The following LRRK1 variants were observed in gnomAD, a reference collection of about 807,000 sequenced individuals.
LRRK1 encodes the protein leucine-rich repeat serine/threonine-protein kinase 1.
Under a neutral mutation model 209.1 loss-of-function variants are expected in LRRK1, and 113 were observed. That is an observed-to-expected ratio of 0.54 (90% CI 0.46 to 0.63). The LOEUF (loss-of-function observed/expected upper bound fraction) is 0.63, where lower values mean the gene tolerates loss of function less well. Ranked by LOEUF, LRRK1 falls within the 30% of genes least tolerant of loss-of-function variation. The pLI is 0.00. For synonymous variants in LRRK1, 1,144 were observed against 1,099.7 expected, an observed-to-expected ratio of 1.04 and a Z score of -0.80; for missense variants, 2,284 against 2,632.2, an observed-to-expected ratio of 0.87 and a Z score of 2.89.
chr15:101,007,895 A>G (rs559248182), intron 6 of LRRK1, among the ~76,000 whole-genome samples: 1 of 152,198 alleles, frequency 6.6e-6, no homozygotes, highest in East Asian at 1.9e-4. Context: ...TCATGCCTGT[A>G]ATTGCAGCAC....
chr15:101,055,803 C>T (rs2035761572), intron 27 of LRRK1, among the ~76,000 whole-genome samples: 1 of 152,198 alleles, frequency 6.6e-6, no homozygotes, highest in Non-Finnish European at 1.5e-5. Flanking sequence ...GATGCAGGCA[C>T]ACACACAACT....
At chr15:100,997,086 C>A (rs1020908819) in intron 6 of LRRK1, among the ~76,000 whole-genome samples, 4 of 131,308 alleles carry the variant, frequency 3.0e-5, no homozygotes, top group African/African-American at 8.8e-5. Flanking sequence ...ATAATCATAT[C>A]TATAGATCTT....
intron 32 of LRRK1, 114 bp downstream of exon 32, chr15:101,066,319 C>T (rs768398208): frequency 5.6e-5 from 77 of 1,384,562 alleles, no homozygotes; most frequent in Non-Finnish European, 7.2e-5. Context: ...GAGGCAGGTG[C>T]TGTTCTTCCA....
chr15:100,941,464 C>CTGTGTGTGTCTGTGTGTGTGTG (rs2042432624), intron 2 of LRRK1, among the ~76,000 whole-genome samples: 4 of 88,824 alleles, frequency 4.5e-5, no homozygotes, highest in African/African-American at 2.0e-4. Context: ...GTCTATGTCT[C>CTGTGTGTGTCTGTGTGTGTGTG]TGTGTGTGTG....
intron 21 of LRRK1, among the ~76,000 whole-genome samples, chr15:101,047,713 G>A (rs2035163672): frequency 6.6e-6 from 1 of 152,194 alleles, no homozygotes; most frequent in Admixed American, 6.5e-5. Context: ...GCGGCCCCGC[G>A]CACACTGGTA....
At chr15:101,013,630 T>C (rs1293774149) in intron 10 of LRRK1, among the ~76,000 whole-genome samples, 1 of 151,864 alleles carries the variant, frequency 6.6e-6, no homozygotes, top group Non-Finnish European at 1.5e-5. Context: ...AGTAAATAAA[T>C]AAAAAGAATA....
At chr15:101,002,716 G>T (rs1443494150) in intron 6 of LRRK1, among the ~76,000 whole-genome samples, 1 of 151,932 alleles carries the variant, frequency 6.6e-6, no homozygotes, top group East Asian at 1.9e-4. Flanking sequence ...AATGTCAAGT[G>T]CATGAACATC....
In LRRK1 at chr15:101,076,979, C is replaced by T. The variant is rs923553918; in HGVS notation, c.*8131C>T. 4.6e-5 allele frequency: 7 copies of T among 151,886 alleles called. No homozygotes were observed. Among genetic ancestry groups the T allele is most frequent in the Middle Eastern group, 3.4e-3 (1 of 294 alleles). The allele number at this position is 151,886 out of a possible 1,614,324, so 9.4% of individuals were successfully genotyped here. A position where few individuals can be genotyped will look rare whatever the true frequency, so the allele number is the denominator to read the frequency against. On this transcript the variant is annotated 3_prime_UTR_variant, in exon 34 of 34. Coordinates refer to ENST00000388948, the MANE Select transcript of LRRK1 (RefSeq NM_024652.6). ...GCCTTTATTAGTCAAATCAGCCAAG[C>T]GTTTTTTCAGGCTCTTAGTATTCAG...
intron 6 of LRRK1, among the ~76,000 whole-genome samples, chr15:100,997,169 A>G (rs1187918955): frequency 6.6e-6 from 1 of 152,196 alleles, no homozygotes; most frequent in African/African-American, 2.4e-5. Flanking sequence ...CTGCCTTTCA[A>G]TTTCTAAACA....
intron 2 of LRRK1, among the ~76,000 whole-genome samples, chr15:100,971,836 C>A (rs2030904662): frequency 6.6e-6 from 1 of 152,166 alleles, no homozygotes; most frequent in African/African-American, 2.4e-5. Context: ...CCAGTCTTTG[C>A]CTCCATGGGA....
rs768495809 is a variant in LRRK1, at chr15:101,026,065, T to A, written c.2333T>A (p.Val778Glu). Residue 778 changes from valine to glutamate, a missense_variant, in exon 17 of 34, where the codon GTG (valine) becomes GAG (glutamate). Coordinates refer to ENST00000388948, the MANE Select transcript of LRRK1 (RefSeq NM_024652.6). ...VERIATLRAYVLALCRSPSGS... is the reference protein window; with the variant it reads ...VERIATLRAYELALCRSPSGS... Reference sequence around the variant, plus strand: ...AGGATTGCAACGCTGCGTGCCTATGTGCTGGCACTCTGCCGCTCCCCCTCC... The same window carrying A: ...AGGATTGCAACGCTGCGTGCCTATGAGCTGGCACTCTGCCGCTCCCCCTCC... 2 of 1,614,148 alleles carry A rather than the reference T, an allele frequency of 1.2e-6. No individual in the cohort carries two copies. Among genetic ancestry groups the A allele is most frequent in the Non-Finnish European group, 1.7e-6 (2 of 1,180,038 alleles).
chr15:100,929,299 G>A (rs1391700474), intron 2 of LRRK1, among the ~76,000 whole-genome samples: 1 of 152,148 alleles, frequency 6.6e-6, no homozygotes, highest in Non-Finnish European at 1.5e-5. Context: ...GTGAGTGGCC[G>A]TCGCTTCGGT....
intron 2 of LRRK1, among the ~76,000 whole-genome samples, chr15:100,960,571 G>A (rs978957726): frequency 1.3e-5 from 2 of 152,042 alleles, no homozygotes; most frequent in Non-Finnish European, 2.9e-5. Flanking sequence ...GTTTTTGTCT[G>A]TTGGCTCTCC....
At chr15:101,001,307 G>A (rs769082910) in intron 6 of LRRK1, among the ~76,000 whole-genome samples, 5 of 152,040 alleles carry the variant, frequency 3.3e-5, no homozygotes, top group African/African-American at 9.7e-5. Context: ...GTGCACAGAC[G>A]CTCTCTGCAG....
intron 2 of LRRK1, among the ~76,000 whole-genome samples, chr15:100,939,914 A>G (rs751417666): frequency 6.6e-6 from 1 of 152,130 alleles, no homozygotes; most frequent in Non-Finnish European, 1.5e-5. Context: ...GAACTCATGA[A>G]TTTTAATTTA....
intron 26 of LRRK1, among the ~76,000 whole-genome samples, chr15:101,054,051 T>C (rs559747986): frequency 6.6e-6 from 1 of 152,286 alleles, no homozygotes; most frequent in African/African-American, 2.4e-5. Context: ...CAATCTCAGC[T>C]CACTGCAGCT....
chr15:100,930,421 C>T (rs77235289), intron 2 of LRRK1, among the ~76,000 whole-genome samples: 1,547 of 152,288 alleles, frequency 0.01, 24 homozygotes, highest in African/African-American at 0.035. Context: ...CCCACCCTGC[C>T]GTGGACCGGC....
intron 2 of LRRK1, among the ~76,000 whole-genome samples, chr15:100,960,418 G>A (rs534841864): frequency 1.1e-4 from 16 of 151,652 alleles, no homozygotes; most frequent in African/African-American, 1.5e-4. Context: ...CCCCAAAATC[G>A]GAGTAGGACT....
intron 2 of LRRK1, among the ~76,000 whole-genome samples, chr15:100,927,374 G>T (rs1193206315): frequency 6.6e-6 from 1 of 152,186 alleles, no homozygotes; most frequent in Non-Finnish European, 1.5e-5. Context: ...GCTTGGCACT[G>T]CTCCTTAGGA....
Sources: allele counts gnomAD v4.1 joint callset (sites outside exome capture counted in the v4.1 genomes callset), GRCh38; gene constraint gnomAD v4.1.1; transcripts MANE v1.5; gene names NCBI Gene and HGNC (gene_info 2026-07-23, HGNC 2026-07-21).